CPEB3: variants seen among roughly 807,000 people sequenced by gnomAD.
CPEB3 encodes cytoplasmic polyadenylation element binding protein 3, also known as cytoplasmic polyadenylation element-binding protein 3.
In CPEB3, 20 loss-of-function variants were observed where a neutral mutation model predicts 67.2. The observed-to-expected ratio is 0.30, with a 90% confidence interval of 0.21 to 0.43. The LOEUF is 0.43. Among genes scored for constraint, CPEB3 ranks in the 20% least tolerant of loss-of-function variants. The pLI, the probability that CPEB3 is intolerant of heterozygous loss-of-function variation, is 1.00. For missense variants in CPEB3, 746 were observed against 968.6 expected (o/e 0.77, Z 3.05); for synonymous variants, 376 against 393.1 (o/e 0.96, Z 0.51).
At chr10:92,092,906 T>A (rs10882023) in intron 7 of CPEB3, among the ~76,000 whole-genome samples, 9 of 152,042 alleles carry the variant, frequency 5.9e-5, no homozygotes, top group African/African-American at 1.2e-4. Context: ...GAAATCTTTA[T>A]GGCATATTTC....
At chr10:92,272,691 C>A (rs1853359162) in intron 1 of CPEB3, among the ~76,000 whole-genome samples, 1 of 152,208 alleles carries the variant, frequency 6.6e-6, no homozygotes, top group Admixed American at 6.5e-5. Context: ...TAGTCTCACC[C>A]TTGCCTTCAT....
intron 1 of CPEB3, among the ~76,000 whole-genome samples, chr10:92,282,164 T>C (rs1307143145): frequency 2.0e-5 from 3 of 152,114 alleles, no homozygotes; most frequent in African/African-American, 4.8e-5. Flanking sequence ...AAGAGAGGAA[T>C]GTAAGCAAGG....
intron 6 of CPEB3, among the ~76,000 whole-genome samples, chr10:92,113,498 A>C (rs1342526783): frequency 6.6e-6 from 1 of 152,250 alleles, no homozygotes; most frequent in African/African-American, 2.4e-5. Flanking sequence ...ACTGGTACAG[A>C]TATCCACAAA....
chr10:92,287,232 G>T (rs140418640), intron 1 of CPEB3, among the ~76,000 whole-genome samples: 16 of 151,866 alleles, frequency 1.1e-4, no homozygotes, highest in African/African-American at 3.9e-4. Context: ...AGGTTCAAGC[G>T]ATTCTCCTAT....
intron 6 of CPEB3, among the ~76,000 whole-genome samples, chr10:92,128,013 C>A (rs1702039487): frequency 1.3e-5 from 2 of 152,150 alleles, no homozygotes; most frequent in South Asian, 4.1e-4. Flanking sequence ...AAACTAAGCA[C>A]AACATTTGAT....
Position 92,101,987 on chromosome 10 carries a change from T to C in CPEB3, c.1572+9089A>G, listed in dbSNP as rs912281504. Among the ~76,000 whole-genome samples the C allele has an allele frequency of 5.3e-5, 8 of 152,318 alleles. 2 individuals carry two copies. Among genetic ancestry groups the C allele is most frequent in the Admixed American group, 5.2e-4 (8 of 15,300 alleles). ...ATGGCATAAGGAGTTGGTTTATTAT[T>C]AATCACCAAAACTAAGAGCCACAAC... On this transcript the variant is annotated intron_variant, in intron 7 of 9. Coordinates refer to ENST00000265997, the MANE Select transcript of CPEB3 (RefSeq NM_014912.5).
At chr10:92,132,029 AT>A (rs1423528360) in intron 6 of CPEB3, among the ~76,000 whole-genome samples, 4 of 152,208 alleles carry the variant, frequency 2.6e-5, no homozygotes, top group Admixed American at 2.0e-4. Flanking sequence ...CCATAAAGTT[AT>A]TTTAACATGC....
intron 2 of CPEB3, among the ~76,000 whole-genome samples, chr10:92,227,241 T>G (rs548359057): frequency 6.6e-6 from 1 of 152,170 alleles, no homozygotes; most frequent in Admixed American, 6.6e-5. Flanking sequence ...GAGTCTCAAA[T>G]AGGATAATAA....
chr10:92,270,677 T>C (rs941179117), intron 1 of CPEB3, among the ~76,000 whole-genome samples: 5 of 150,492 alleles, frequency 3.3e-5, no homozygotes, highest in Non-Finnish European at 7.4e-5. Flanking sequence ...ATCCTCCCAC[T>C]TCAGCCTCCC....
At chr10:92,120,597 C>CA (rs1336274042) in intron 6 of CPEB3, among the ~76,000 whole-genome samples, 1 of 151,806 alleles carries the variant, frequency 6.6e-6, no homozygotes, top group Non-Finnish European at 1.5e-5. Flanking sequence ...AAACAAAAAA[C>CA]AAAAAACAAA....
chr10:92,111,264 T>C (rs763518472), intron 6 of CPEB3, 70 bp from the exon 7 acceptor site: 1 of 1,017,110 alleles, frequency 9.8e-7, no homozygotes, highest in Non-Finnish European at 1.5e-6. Flanking sequence ...CAATTACAAA[T>C]TATCTGTTGT....
intron 9 of CPEB3, chr10:92,076,241 T>C (rs1451501157): frequency 6.6e-6 from 1 of 152,142 alleles, no homozygotes; most frequent in Non-Finnish European, 1.5e-5. Context: ...AGTCAAGGTA[T>C]TGGTTTAAAG....
At chr10:92,053,429 T>C (rs1378114946) in intron 9 of CPEB3, among the ~76,000 whole-genome samples, 1 of 152,062 alleles carries the variant, frequency 6.6e-6, no homozygotes, top group African/African-American at 2.4e-5. Context: ...AGTGGTGCGA[T>C]CTCGGCTCAC....
At chr10:92,187,046 AT>A (rs1480888725) in intron 3 of CPEB3, among the ~76,000 whole-genome samples, 3 of 152,230 alleles carry the variant, frequency 2.0e-5, no homozygotes, top group African/African-American at 4.8e-5. Flanking sequence ...AGCAAATAAA[AT>A]GTAATGAAGG....
intron 8 of CPEB3, among the ~76,000 whole-genome samples, chr10:92,081,892 C>A (rs536557449): frequency 6.6e-6 from 1 of 152,280 alleles, no homozygotes; most frequent in Non-Finnish European, 1.5e-5. Context: ...TACTTACTAA[C>A]CTCTAAGACT....
rs1321238128 is a variant in CPEB3 at position 92,239,657 on chromosome 10, C to T, written c.694G>A (p.Ala232Thr). The T allele has an allele frequency of 3.8e-6, 6 of 1,560,068 alleles. No homozygotes were observed. The highest frequency in any genetic ancestry group is 5.2e-6 in the Non-Finnish European group (6 of 1,153,830). Residue 232 changes from alanine (A) to threonine (T), a missense_variant, in exon 2 of 10, where the codon GCA becomes ACA. Ala to Thr is a moderately conservative substitution (Grantham distance 58). This residue lies in a region of CPEB3 where 643 missense variants were observed against 717.5 expected (regional missense o/e 0.90). Coordinates refer to ENST00000265997, the MANE Select transcript of CPEB3 (RefSeq NM_014912.5). This position sits in a 1 kb window ranked among gnomAD's most constrained non-coding sequence, Gnocchi z 6.0. ...SSSAVAAAAAAAAASSASSSW... is the reference protein window; with the variant it reads ...SSSAVAAAAATAAASSASSSW... ...GACGAGGCCGACGAGGCGGCGGCTG[C>T]GGCAGCAGCGGCTGCAACCGCCGAA...
intron 1 of CPEB3, among the ~76,000 whole-genome samples, chr10:92,288,285 C>T (rs1590628709): frequency 6.6e-6 from 1 of 152,090 alleles, no homozygotes; most frequent in Middle Eastern, 3.4e-3. Context: ...CATGGCAAAA[C>T]ACCATCTCTA....
At chr10:92,153,348 AT>A (rs959823590) in intron 4 of CPEB3, among the ~76,000 whole-genome samples, 4 of 152,194 alleles carry the variant, frequency 2.6e-5, no homozygotes, top group African/African-American at 9.7e-5. Flanking sequence ...ATATCAATAT[AT>A]TTTTTATGAA....
At chr10:92,193,211 C>T (rs1303256574) in intron 2 of CPEB3, among the ~76,000 whole-genome samples, 1 of 144,580 alleles carries the variant, frequency 6.9e-6, no homozygotes, top group Non-Finnish European at 1.5e-5. Flanking sequence ...GACTCCATCT[C>T]AAAAAAAAAA....
Sources: gnomAD v4.1 joint callset for allele counts (sites outside exome capture counted in the v4.1 genomes callset) on GRCh38, gnomAD v4.1.1 for gene constraint, gnomAD v4.1.1 regional missense constraint, Gnocchi (gnomAD v3.1) non-coding constraint, MANE v1.5 for transcripts, NCBI Gene and HGNC (gene_info 2026-07-23, HGNC 2026-07-21) for gene names.